ATP2C2: variants seen among roughly 807,000 people sequenced by gnomAD.
ATP2C2 encodes ATPase secretory pathway Ca2+ transporting 2.
Under a neutral mutation model 110.8 loss-of-function variants are expected in ATP2C2, and 171 were observed. The ratio of observed to expected loss-of-function variants is 1.54; its 90% CI spans 1.36 to 1.75. The LOEUF is 1.75. Ranked by LOEUF, ATP2C2 falls within the 40% of genes most tolerant of loss-of-function variation. The probability of loss-of-function intolerance (pLI) is 0.00; values close to 1 mark genes in which losing one functional copy is unlikely to be tolerated. For missense variants in ATP2C2, 1,963 were observed against 1,235.0 expected (o/e 1.59, Z -8.84); for synonymous variants, 804 against 508.4 (o/e 1.58, Z -7.82).
intron 7 of ATP2C2, among the ~76,000 whole-genome samples, chr16:84,416,849 C>G (rs1291146890): frequency 6.6e-6 from 1 of 152,170 alleles, no homozygotes; most frequent in African/African-American, 2.4e-5. Context: ...TGTCTGTGGC[C>G]AATCCCCGCC....
intron 11 of ATP2C2, among the ~76,000 whole-genome samples, chr16:84,435,332 G>A (rs184717383): frequency 3.0e-4 from 46 of 152,314 alleles, no homozygotes; most frequent in Non-Finnish European, 3.8e-4. Context: ...ACAATCAACT[G>A]TCTTAGCTCT....
chr16:84,417,033 C>A lies in ATP2C2; in HGVS notation c.624+1442C>A, dbSNP rs1011096530. 2.0e-5 allele frequency among the ~76,000 whole-genome samples: 3 copies of A among 152,176 alleles called. No individual in the cohort carries two copies. The East Asian group carries it at 5.8e-4, about 29-fold the overall frequency. On this transcript the variant is annotated intron_variant, in intron 7 of 26. Transcript: ENST00000262429. ...GGCCGTATGAGAGGTGGCCAATGAC[C>A]TGGGGTTGGGCATTAGCCTGGGCTT...
intron 1 of ATP2C2, among the ~76,000 whole-genome samples, chr16:84,389,290 A>G (rs1904508173): frequency 6.6e-6 from 1 of 151,990 alleles, no homozygotes. Context: ...CTTTCTCACA[A>G]TTCCTGGGTG....
chr16:84,418,944 C>G (rs1262667364), intron 7 of ATP2C2, among the ~76,000 whole-genome samples: 2 of 152,068 alleles, frequency 1.3e-5, no homozygotes. Context: ...CGCGGTGGCT[C>G]ACTCCTGTAA....
Position 84,439,416 on chromosome 16 carries a change from TG to T in ATP2C2, c.1112-10del. On this transcript the variant is annotated splice_polypyrimidine_tract_variant and intron_variant, in intron 12 of 26. Coordinates refer to ENST00000262429, the MANE Select transcript of ATP2C2 (RefSeq NM_014861.4). ...AACTTCTCTTCTATAAACTGGTGTT[TG>T]TTGTACCAGGTTGCTGCAGCGTTCT... 6.2e-7 allele frequency: 1 copy of T among 1,614,064 alleles called. No individual in the cohort carries two copies. Among genetic ancestry groups the T allele is most frequent in the Non-Finnish European group, 8.5e-7 (1 of 1,179,948 alleles).
intron 7 of ATP2C2, among the ~76,000 whole-genome samples, chr16:84,421,569 G>A (rs979195096): frequency 7.2e-5 from 11 of 152,194 alleles, no homozygotes; most frequent in African/African-American, 1.9e-4. Context: ...ACCCAGCCCC[G>A]CTTTATGAAC....
chr16:84,444,798 T>C (rs940983506), intron 15 of ATP2C2, among the ~76,000 whole-genome samples: 2 of 152,198 alleles, frequency 1.3e-5, no homozygotes, highest in Admixed American at 1.3e-4. Context: ...GATTTTGGAA[T>C]ACAGAACAAA....
chr16:84,417,721 A>G (rs1348187510), intron 7 of ATP2C2, among the ~76,000 whole-genome samples: 2 of 152,210 alleles, frequency 1.3e-5, no homozygotes, highest in Non-Finnish European at 1.5e-5. Flanking sequence ...GTGACACTCC[A>G]TCTGTACAAA....
chr16:84,436,806 A>G (rs573358085), intron 11 of ATP2C2, among the ~76,000 whole-genome samples: 135 of 125,196 alleles, frequency 1.1e-3, no homozygotes, highest in African/African-American at 3.8e-3. Flanking sequence ...CTTGTTGCCC[A>G]GGCTGGAGTG....
intron 1 of ATP2C2, among the ~76,000 whole-genome samples, chr16:84,385,352 T>C (rs547408055): frequency 7.0e-4 from 107 of 152,256 alleles, no homozygotes; most frequent in African/African-American, 2.4e-3. Context: ...TCATGAGATA[T>C]CCTTCCCCAT....
At position 84,442,503 on chromosome 16, in the gene ATP2C2, C is replaced by G. The variant is rs1188401665; in HGVS notation, c.1312-7C>G. 1.6e-5 allele frequency: 26 copies of G among 1,613,822 alleles called. No homozygotes were observed. Among genetic ancestry groups the G allele is most frequent in the Non-Finnish European group, 2.0e-5 (24 of 1,179,884 alleles). On this transcript the variant is annotated splice_polypyrimidine_tract_variant and splice_region_variant and intron_variant, in intron 14 of 26. Transcript: ENST00000262429. The stretch of plus-strand genomic sequence containing the variant: ...TAACTACAGATGTCCGGACAATCCC[C>G]TTTTAGGCGGGCTGTGTTGCCAACA...
At chr16:84,375,440 C>G (rs532204359) in intron 1 of ATP2C2, among the ~76,000 whole-genome samples, 3 of 151,496 alleles carry the variant, frequency 2.0e-5, no homozygotes, top group Non-Finnish European at 2.9e-5. Context: ...ACTTGGGAGG[C>G]TGAGGCAGAA....
At chr16:84,463,425 G>A (rs569642166) in intron 26 of ATP2C2, among the ~76,000 whole-genome samples, 189 bp from the exon 27 acceptor site, 1 of 152,266 alleles carries the variant, frequency 6.6e-6, no homozygotes, top group East Asian at 1.9e-4. Context: ...TGGAACCACA[G>A]GCAGGCCCTT....
Position 84,442,501 on chromosome 16 carries a change from C to A in ATP2C2, c.1312-9C>A, listed in dbSNP as rs375590438. On this transcript the variant is annotated splice_polypyrimidine_tract_variant and intron_variant, in intron 14 of 26. Transcript: ENST00000262429. ...ACTAACTACAGATGTCCGGACAATCCCCTTTTAGGCGGGCTGTGTTGCCAA... is the reference window on the plus strand; with the variant it reads ...ACTAACTACAGATGTCCGGACAATCACCTTTTAGGCGGGCTGTGTTGCCAA... The A allele has an allele frequency of 6.7e-5, 108 of 1,613,736 alleles. No individual in the cohort carries two copies. The highest frequency in any genetic ancestry group is 9.0e-5 in the Non-Finnish European group (106 of 1,179,816).
rs149038998 is a variant in ATP2C2, at chr16:84,422,727, T to C, written c.843+30T>C. Reference sequence around the variant, plus strand: ...GGGGCAGGAGGGGGCTTCGGGACTTTTGTAAGCTGGAGTTTGAGATTATTA... The same window carrying C: ...GGGGCAGGAGGGGGCTTCGGGACTTCTGTAAGCTGGAGTTTGAGATTATTA... On this transcript the variant is annotated intron_variant, in intron 9 of 26. Coordinates refer to ENST00000262429, the MANE Select transcript of ATP2C2 (RefSeq NM_014861.4). 267 of 1,581,654 alleles carry C rather than the reference T, an allele frequency of 1.7e-4. No individual in the cohort carries two copies. In the African/African-American group the frequency reaches 3.0e-3, roughly 18 times the overall value.
chr16:84,461,460 A>G (rs774581991), intron 24 of ATP2C2: 4 of 581,214 alleles, frequency 6.9e-6, no homozygotes, highest in Non-Finnish European at 6.1e-6. Context: ...TACTTCCTGG[A>G]GGAAGTGGTG....
At chr16:84,396,460 G>T (rs987378047) in intron 1 of ATP2C2, among the ~76,000 whole-genome samples, 16 of 149,538 alleles carry the variant, frequency 1.1e-4, no homozygotes, top group African/African-American at 1.7e-4. Context: ...TGAGGCAGGA[G>T]ACTCGCTTGA....
intron 15 of ATP2C2, among the ~76,000 whole-genome samples, chr16:84,444,771 C>T (rs909472570): frequency 6.6e-6 from 1 of 152,140 alleles, no homozygotes; most frequent in Non-Finnish European, 1.5e-5. Context: ...TTTCCTTTTT[C>T]CTGGGGCCTG....
chr16:84,451,810 C>A, intron 17 of ATP2C2, 111 bp from the exon 18 acceptor site: 2 of 1,146,434 alleles, frequency 1.7e-6, no homozygotes, highest in South Asian at 1.5e-5. Context: ...TGCACTCCAA[C>A]CTGGGCGATA....
Sources: gnomAD v4.1 joint callset for allele counts (sites outside exome capture counted in the v4.1 genomes callset) on GRCh38, gnomAD v4.1.1 for gene constraint, MANE v1.5 for transcripts, NCBI Gene and HGNC (gene_info 2026-07-23, HGNC 2026-07-21) for gene names.